Variants in SORCS1 observed in about 807,000 individuals in gnomAD.
SORCS1 encodes the protein VPS10 domain-containing receptor SorCS1.
SORCS1 carries 60 observed loss-of-function variants against 146.1 expected under a neutral mutation model. The ratio of observed to expected loss-of-function variants is 0.41; its 90% CI spans 0.33 to 0.51. The LOEUF is 0.51. Ranked by LOEUF, SORCS1 falls within the 20% of genes least tolerant of loss-of-function variation. The probability of loss-of-function intolerance (pLI) is 0.21; values close to 1 mark genes in which losing one functional copy is unlikely to be tolerated. For missense variants in SORCS1, 1,352 were observed against 1,487.6 expected, an observed-to-expected ratio of 0.91 and a Z score of 1.50; for synonymous variants, 637 against 584.0, an observed-to-expected ratio of 1.09 and a Z score of -1.31.
chr10:106,955,998 C>T (rs940408690), intron 2 of SORCS1, among the ~76,000 whole-genome samples: 2 of 151,978 alleles, frequency 1.3e-5, no homozygotes, highest in East Asian at 1.9e-4. Context: ...TGCGTGGTGG[C>T]GCATGCCTGT....
At chr10:106,607,068 T>C in intron 23 of SORCS1, 98 bp downstream of exon 23, 10 of 1,494,946 alleles carry the variant, frequency 6.7e-6, no homozygotes, top group Non-Finnish European at 8.2e-6. Context: ...AAGCTGTAGT[T>C]AGGATCACCA....
At chr10:106,916,718 C>A (rs1019593753) in intron 2 of SORCS1, among the ~76,000 whole-genome samples, 1 of 151,234 alleles carries the variant, frequency 6.6e-6, no homozygotes, top group Non-Finnish European at 1.5e-5. Flanking sequence ...TTGCTTATAT[C>A]AGCTTCACAA....
chr10:107,008,614 T>G (rs1440169279), intron 1 of SORCS1, among the ~76,000 whole-genome samples: 1 of 152,200 alleles, frequency 6.6e-6, no homozygotes, highest in Non-Finnish European at 1.5e-5. Flanking sequence ...ATTTCAGAGA[T>G]GGAGCTAAGA....
chr10:106,677,997 G>A (rs905278619), intron 12 of SORCS1, among the ~76,000 whole-genome samples: 1 of 152,048 alleles, frequency 6.6e-6, no homozygotes. Context: ...TCATCTTTGG[G>A]TACATGTGTC....
At chr10:106,878,379 C>A (rs1171399153) in intron 2 of SORCS1, among the ~76,000 whole-genome samples, 4 of 151,546 alleles carry the variant, frequency 2.6e-5, no homozygotes, top group African/African-American at 9.7e-5. Context: ...ACCTAATTAC[C>A]AATACAATGG....
chr10:106,964,140 G>A (rs933652542), intron 1 of SORCS1, among the ~76,000 whole-genome samples: 8 of 152,122 alleles, frequency 5.3e-5, no homozygotes, highest in Non-Finnish European at 1.0e-4. Flanking sequence ...CAAGTCTTCT[G>A]GTTTACCTAA....
At chr10:106,748,243 G>A (rs754839686) in intron 5 of SORCS1, among the ~76,000 whole-genome samples, 11 of 151,992 alleles carry the variant, frequency 7.2e-5, no homozygotes, top group Non-Finnish European at 1.0e-4. Context: ...CCAAAAGCAC[G>A]TGCTCACTTC....
rs112098485 is a variant in SORCS1 at position 107,101,153 on chromosome 10, G to A, written c.558+62816C>T. On this transcript the variant is annotated intron_variant, in intron 1 of 25. Coordinates refer to ENST00000263054, the MANE Select transcript of SORCS1 (RefSeq NM_052918.5). ...CGGCTCACTGCAACCTCCATCTCTC[G>A]GGCTCAAGCAATTCTCTGCCTCAGC... Among the ~76,000 whole-genome samples the A allele has an allele frequency of 1.8e-3, 278 of 152,058 alleles. 2 individuals carry two copies. Among genetic ancestry groups the A allele is most frequent in the African/African-American group, 6.2e-3 (256 of 41,450 alleles).
chr10:106,639,042 T>C (rs182081255), intron 18 of SORCS1, among the ~76,000 whole-genome samples: 1 of 152,284 alleles, frequency 6.6e-6, no homozygotes, highest in East Asian at 1.9e-4. Context: ...AGATCTCAGG[T>C]AAAGATGCAG....
intron 3 of SORCS1, among the ~76,000 whole-genome samples, chr10:106,795,552 T>C (rs1038178827): frequency 6.6e-6 from 1 of 152,190 alleles, no homozygotes; most frequent in African/African-American, 2.4e-5. Flanking sequence ...GTGGGGTTGC[T>C]GGCTAAAAGA....
At chr10:107,131,756 C>T (rs1454383233) in intron 1 of SORCS1, among the ~76,000 whole-genome samples, 2 of 152,168 alleles carry the variant, frequency 1.3e-5, no homozygotes, top group South Asian at 2.1e-4. Context: ...GAGAATAATG[C>T]TAGGCAGAGT....
intron 1 of SORCS1, among the ~76,000 whole-genome samples, chr10:107,144,981 G>T (rs1220832938): frequency 6.6e-6 from 1 of 152,202 alleles, no homozygotes; most frequent in African/African-American, 2.4e-5. Context: ...CTCTTTTAAA[G>T]AATTAAGCCA....
chr10:106,829,187 T>C (rs1948428530), intron 3 of SORCS1, among the ~76,000 whole-genome samples: 1 of 152,236 alleles, frequency 6.6e-6, no homozygotes, highest in African/African-American at 2.4e-5. Flanking sequence ...CTAGTTAATC[T>C]ATTTGTTCCA....
intron 3 of SORCS1, among the ~76,000 whole-genome samples, chr10:106,826,336 C>T (rs745568216): frequency 1.3e-5 from 2 of 152,186 alleles, no homozygotes; most frequent in African/African-American, 4.8e-5. Context: ...TAGATAGCAC[C>T]GCGGAGACCT....
In SORCS1 at chr10:107,085,612, G is replaced by C. The variant is rs147231473; in HGVS notation, c.558+78357C>G. Among the ~76,000 whole-genome samples, 426 of 152,284 alleles carry C rather than the reference G, an allele frequency of 2.8e-3. 5 individuals are homozygous for C. Among genetic ancestry groups the C allele is most frequent in the Admixed American group, 0.024 (367 of 15,294 alleles). On this transcript the variant is annotated intron_variant, in intron 1 of 25. Transcript: ENST00000263054. ...GACATATGGGATAAAAAAATGCCAA[G>C]GGCAGTTTTGAAGAGAATTGGATAA...
At chr10:107,111,651 G>T (rs551273512) in intron 1 of SORCS1, among the ~76,000 whole-genome samples, 2 of 152,224 alleles carry the variant, frequency 1.3e-5, no homozygotes, top group African/African-American at 4.8e-5. Context: ...AAGAGACAGA[G>T]AATTATTTAA....
intron 4 of SORCS1, among the ~76,000 whole-genome samples, chr10:106,773,170 A>G (rs1336249761): frequency 1.3e-5 from 2 of 152,244 alleles, no homozygotes; most frequent in African/African-American, 4.8e-5. Context: ...CCTAGCTGGG[A>G]GATCTGCAGC....
Position 106,620,452 on chromosome 10 carries a change from C to T in SORCS1, c.2772G>A (p.Val924=), listed in dbSNP as rs768230980. ...CCTCCGTGTTGTTTCCGTACCACCACACGTAAGTGAGGGTGCCCACTTGGC... is the reference window on the plus strand; with the variant it reads ...CCTCCGTGTTGTTTCCGTACCACCATACGTAAGTGAGGGTGCCCACTTGGC... The part of the protein sequence containing the change: ...WPSQVGTLTY[V]WWYGNNTEPL... The change falls in exon 20 of 26, where the codon GTG becomes GTA. Residue 924 remains valine (V), a synonymous_variant. Coordinates refer to ENST00000263054, the MANE Select transcript of SORCS1 (RefSeq NM_052918.5). 17 of 1,613,760 alleles carry T rather than the reference C, an allele frequency of 1.1e-5. 1 individual carries two copies. The highest frequency in any genetic ancestry group is 1.2e-5 in the Non-Finnish European group (14 of 1,179,818).
At chr10:106,956,910 C>T (rs942784059) in intron 1 of SORCS1, among the ~76,000 whole-genome samples, 4 of 152,164 alleles carry the variant, frequency 2.6e-5, no homozygotes, top group African/African-American at 9.7e-5. Context: ...CAGGTACTCA[C>T]TGAGCAGATG....
Sources: allele counts gnomAD v4.1 joint callset (sites outside exome capture counted in the v4.1 genomes callset), GRCh38; gene constraint gnomAD v4.1.1; transcripts MANE v1.5; gene names NCBI Gene and HGNC (gene_info 2026-07-23, HGNC 2026-07-21).